Variants in OR1B1 observed in about 807,000 individuals in gnomAD.
OR1B1 encodes the protein olfactory receptor 1B1.
For missense variants in OR1B1, 414 were observed against 402.1 expected, an observed-to-expected ratio of 1.03 and a Z score of -0.25; for synonymous variants, 168 against 156.2, an observed-to-expected ratio of 1.08 and a Z score of -0.57.
At chr9:122,655,834 T>G in the OR1B1 span, among the ~76,000 whole-genome samples, 1 of 151,514 alleles carries the variant, frequency 6.6e-6, no homozygotes, top group Admixed American at 6.6e-5. Context: ...ACCCCAGAGC[T>G]TAACATTAAA....
upstream of OR1B1, among the ~76,000 whole-genome samples, chr9:122,634,028 C>A (rs189556346): frequency 4.8e-4 from 73 of 151,234 alleles, no homozygotes; most frequent in African/African-American, 1.6e-3. Context: ...CATGGAGAAA[C>A]CTCGTCCCTA....
At chr9:122,628,678 G>A (rs765627410) in exon 1 of OR1B1, 155 of 1,613,712 alleles carry the variant, frequency 9.6e-5, no homozygotes, top group Non-Finnish European at 1.2e-4. Context: ...AAGGTGTAAT[G>A]GCAGTATACA....
At chr9:122,642,188 G>A in the OR1B1 span, among the ~76,000 whole-genome samples, 14 of 152,228 alleles carry the variant, frequency 9.2e-5, no homozygotes, top group African/African-American at 3.1e-4. Flanking sequence ...AGTGAGGAGC[G>A]AGAAGGGAAT....
At chr9:122,633,904 G>A, upstream of OR1B1, among the ~76,000 whole-genome samples, 1 of 149,612 alleles carries the variant, frequency 6.7e-6, no homozygotes, top group Non-Finnish European at 1.5e-5. Flanking sequence ...ACTCCAGCTT[G>A]GGTGACAGGG....
chr9:122,651,637 A>C, the OR1B1 span, among the ~76,000 whole-genome samples: 3 of 152,308 alleles, frequency 2.0e-5, no homozygotes, highest in African/African-American at 7.2e-5. Flanking sequence ...AATGATTTAG[A>C]GTGAGAAATT....
upstream of OR1B1, among the ~76,000 whole-genome samples, chr9:122,633,787 C>G (rs561958291): frequency 3.3e-5 from 5 of 151,272 alleles, no homozygotes; most frequent in African/African-American, 1.2e-4. Context: ...AAAATTAGCC[C>G]GGCATGGTGG....
the OR1B1 span, among the ~76,000 whole-genome samples, chr9:122,640,537 T>G: frequency 0.025 from 3,796 of 152,130 alleles, 156 homozygotes; most frequent in East Asian, 0.19. Flanking sequence ...AAGCAGGAAA[T>G]TTGGTGAAGG....
At chr9:122,645,537 CAA>C in the OR1B1 span, among the ~76,000 whole-genome samples, 3 of 151,632 alleles carry the variant, frequency 2.0e-5, no homozygotes, top group African/African-American at 2.4e-5. Flanking sequence ...CTAAAAGAAA[CAA>C]GAGAAAAAAA....
chr9:122,651,328 A>G, the OR1B1 span, among the ~76,000 whole-genome samples: 5 of 152,200 alleles, frequency 3.3e-5, no homozygotes, highest in Non-Finnish European at 7.3e-5. Flanking sequence ...GGGAACATTC[A>G]ATATCCACCT....
At chr9:122,632,915 G>T (rs182249098), upstream of OR1B1, among the ~76,000 whole-genome samples, 13 of 152,310 alleles carry the variant, frequency 8.5e-5, no homozygotes, top group East Asian at 2.5e-3. Context: ...AGGACTTACA[G>T]TTCCACATGG....
chr9:122,639,720 CA>C, the OR1B1 span: 5 of 149,356 alleles, frequency 3.3e-5, no homozygotes, highest in African/African-American at 2.4e-5. Context: ...AATTTAATTT[CA>C]ATATATATTT....
chr9:122,640,790 G>A, the OR1B1 span, among the ~76,000 whole-genome samples: 9 of 152,058 alleles, frequency 5.9e-5, no homozygotes, highest in Non-Finnish European at 1.0e-4. Flanking sequence ...ACTAATTTTG[G>A]CTAGATTAAG....
At chr9:122,649,233 C>G in the OR1B1 span, among the ~76,000 whole-genome samples, 1 of 152,154 alleles carries the variant, frequency 6.6e-6, no homozygotes, top group Non-Finnish European at 1.5e-5. Flanking sequence ...ATTCCTTACA[C>G]CTGATACAAA....
At chr9:122,649,283 T>TA in the OR1B1 span, among the ~76,000 whole-genome samples, 195 of 152,238 alleles carry the variant, frequency 1.3e-3, 1 homozygote, top group African/African-American at 4.4e-3. Context: ...AGGTAAGACC[T>TA]AAAACCATAA....
the OR1B1 span, among the ~76,000 whole-genome samples, chr9:122,639,375 T>C: frequency 6.6e-6 from 1 of 152,194 alleles, no homozygotes; most frequent in Non-Finnish European, 1.5e-5. Flanking sequence ...ACTGATATTA[T>C]TGGATATAGC....
chr9:122,649,450 T>C, the OR1B1 span, among the ~76,000 whole-genome samples: 1 of 152,166 alleles, frequency 6.6e-6, no homozygotes, highest in Admixed American at 6.5e-5. Flanking sequence ...GAAACTATCA[T>C]CAGAGTGAAC....
chr9:122,649,513 GGCTAAT>G, the OR1B1 span, among the ~76,000 whole-genome samples: 7 of 151,954 alleles, frequency 4.6e-5, no homozygotes, highest in African/African-American at 1.7e-4. Flanking sequence ...TCTGACAAAG[GGCTAAT>G]ATCCAGAATC....
chr9:122,650,705 T>C, the OR1B1 span, among the ~76,000 whole-genome samples: 2 of 152,108 alleles, frequency 1.3e-5, no homozygotes, highest in Admixed American at 6.6e-5. Flanking sequence ...TTTAAGGTTA[T>C]TAAGGAACTC....
At chr9:122,636,345 T>C in the OR1B1 span, among the ~76,000 whole-genome samples, 2 of 152,366 alleles carry the variant, frequency 1.3e-5, no homozygotes, top group Admixed American at 6.5e-5. Flanking sequence ...CCAGGAGCAG[T>C]GGCTCACGCC....
Sources: allele counts gnomAD v4.1 joint callset (sites outside exome capture counted in the v4.1 genomes callset), GRCh38; gene constraint gnomAD v4.1.1; transcripts MANE v1.5; gene names NCBI Gene and HGNC (gene_info 2026-07-23, HGNC 2026-07-21).